Variants in FOXP1 observed in about 807,000 individuals in gnomAD.
FOXP1 encodes the protein forkhead box P1.
A neutral mutation model predicts 98.2 loss-of-function variants in FOXP1; 15 were observed. The observed-to-expected ratio is 0.15, with a 90% CI of 0.10 to 0.24. FOXP1 has a LOEUF of 0.24. Ranked by LOEUF, FOXP1 falls within the 10% of genes least tolerant of loss-of-function variation. The pLI, the probability that FOXP1 is intolerant of heterozygous loss-of-function variation, is 1.00. For missense variants in FOXP1, 633 were observed against 848.5 expected, an observed-to-expected ratio of 0.75 and a Z score of 3.15; for synonymous variants, 371 against 314.5, an observed-to-expected ratio of 1.18 and a Z score of -1.90.
Position 71,247,430 on chromosome 3 carries a change from A to G in FOXP1, c.-11-49038T>C, listed in dbSNP as rs114974528. On this transcript the variant is annotated intron_variant, in intron 5 of 20. Transcript: ENST00000649528. ...CCTCTGTCACACCTTACGGAATGCC[A>G]TTGATTGTGGCTCAGAGAAGGCCAT... is the stretch of plus-strand genomic sequence containing the variant. Among the ~76,000 whole-genome samples, 621 of 152,268 alleles carry G rather than the reference A, an allele frequency of 4.1e-3. 2 individuals are homozygous for G. The highest frequency in any genetic ancestry group is 0.014 in the African/African-American group (573 of 41,546).
intron 5 of FOXP1, among the ~76,000 whole-genome samples, chr3:71,263,491 T>C (rs1166608041): frequency 2.0e-5 from 3 of 152,200 alleles, no homozygotes; most frequent in Non-Finnish European, 4.4e-5. Flanking sequence ...CAACTATGTA[T>C]ATCATGTCCT....
chr3:71,440,143 GT>G, intron 3 of FOXP1, among the ~76,000 whole-genome samples: 1 of 152,250 alleles, frequency 6.6e-6, no homozygotes. Flanking sequence ...GGGAGTTTCA[GT>G]TATGCAAGAT....
intron 11 of FOXP1, 85 bp downstream of exon 11, chr3:71,041,243 G>T: frequency 9.8e-7 from 1 of 1,015,318 alleles, no homozygotes; most frequent in Non-Finnish European, 1.6e-6. Context: ...TCCAATTAGG[G>T]ATCACTGAGA....
intron 11 of FOXP1, among the ~76,000 whole-genome samples, chr3:71,025,760 T>C (rs985649976): frequency 7.2e-5 from 11 of 152,172 alleles, no homozygotes; most frequent in African/African-American, 2.4e-4. Context: ...TGATTAATGT[T>C]TACCAGATAT....
rs113095706 is a variant in FOXP1 at position 71,425,221 on chromosome 3, T to G, written c.-167-65977A>C. On this transcript the variant is annotated intron_variant, in intron 3 of 20. Coordinates refer to ENST00000649528, the MANE Select transcript of FOXP1 (RefSeq NM_001349338.3). ...GCATTCACCTCCCAGGTTCAAGCAA[T>G]TCTCCTGTCTCAGCCTCCTGCGTAG... Among the ~76,000 whole-genome samples the G allele has an allele frequency of 3.5e-3, 534 of 152,294 alleles. 5 individuals are homozygous for G. The highest frequency in any genetic ancestry group is 0.012 in the African/African-American group (516 of 41,568).
At chr3:71,205,964 T>C (rs2064005424) in intron 5 of FOXP1, among the ~76,000 whole-genome samples, 1 of 152,216 alleles carries the variant, frequency 6.6e-6, no homozygotes, top group Non-Finnish European at 1.5e-5. Flanking sequence ...TATTTATCAA[T>C]TAAACCAGGA....
intron 2 of FOXP1, among the ~76,000 whole-genome samples, chr3:71,508,202 G>A (rs1210383597): frequency 1.3e-5 from 2 of 152,190 alleles, no homozygotes; most frequent in Admixed American, 1.3e-4. Flanking sequence ...AAAAATACTA[G>A]AAGTAATTCT....
intron 7 of FOXP1, among the ~76,000 whole-genome samples, chr3:71,061,999 C>T (rs191745176): frequency 6.6e-6 from 1 of 152,304 alleles, no homozygotes; most frequent in Admixed American, 6.5e-5. Flanking sequence ...TTCACCGTAT[C>T]TTCCAATTGT....
intron 6 of FOXP1, among the ~76,000 whole-genome samples, chr3:71,153,545 GAA>G (rs11343142): frequency 0.25 from 26,781 of 106,552 alleles, 2,973 homozygotes; most frequent in East Asian, 0.46. Context: ...CCATGCTTGA[GAA>G]AAAAAAAAAA....
intron 3 of FOXP1, among the ~76,000 whole-genome samples, chr3:71,401,789 C>T (rs763222779): frequency 2.0e-5 from 3 of 152,184 alleles, no homozygotes; most frequent in African/African-American, 4.8e-5. Context: ...ATCAATGAAG[C>T]GGGATATCTC....
At chr3:71,050,527 T>C (rs995153549) in intron 9 of FOXP1, among the ~76,000 whole-genome samples, 2 of 152,244 alleles carry the variant, frequency 1.3e-5, no homozygotes, top group Non-Finnish European at 2.9e-5. Context: ...CAGGGGGTTA[T>C]TGCCTGCAAG....
At chr3:71,078,909 T>A (rs1193167229) in intron 7 of FOXP1, among the ~76,000 whole-genome samples, 1 of 152,162 alleles carries the variant, frequency 6.6e-6, no homozygotes, top group Non-Finnish European at 1.5e-5. Flanking sequence ...TTTCGTTACC[T>A]GGATTCTGGG....
chr3:71,516,116 C>A (rs2042562548), intron 2 of FOXP1, among the ~76,000 whole-genome samples: 1 of 152,222 alleles, frequency 6.6e-6, no homozygotes, highest in Non-Finnish European at 1.5e-5. Flanking sequence ...ACACTGACAA[C>A]ATCGTGCCAC....
chr3:71,323,127 C>T (rs748987144), intron 4 of FOXP1, among the ~76,000 whole-genome samples: 1 of 152,090 alleles, frequency 6.6e-6, no homozygotes, highest in Non-Finnish European at 1.5e-5. Context: ...TGCACCACCA[C>T]GTCTGGCTAA....
At chr3:71,196,365 T>TTGTGTGTGTGGGCGCA (rs2063300857) in intron 6 of FOXP1, among the ~76,000 whole-genome samples, 1 of 152,110 alleles carries the variant, frequency 6.6e-6, no homozygotes, top group Non-Finnish European at 1.5e-5. Context: ...GTTATCACTG[T>TTGTGTGTGTGGGCGCA]TGTGTGTGTG....
chr3:71,110,470 G>A lies in FOXP1; in HGVS notation c.282+2066C>T, dbSNP rs560381413. Among the ~76,000 whole-genome samples the A allele has an allele frequency of 2.0e-5, 3 of 152,230 alleles. No homozygotes were observed. The East Asian group carries it at 5.8e-4, about 29-fold the overall frequency. ...CCTGATGAATTCAAGAGGACTCGGG[G>A]TATTTTTAAGGCTGTAAGAGCTCCA... On this transcript the variant is annotated intron_variant, in intron 7 of 20. Coordinates refer to ENST00000649528, the MANE Select transcript of FOXP1 (RefSeq NM_001349338.3).
At chr3:71,566,413 TAC>T (rs1490886417) in intron 2 of FOXP1, among the ~76,000 whole-genome samples, 1 of 152,180 alleles carries the variant, frequency 6.6e-6, no homozygotes, top group African/African-American at 2.4e-5. Context: ...GGAAAAATAA[TAC>T]AGACAGACTA....
intron 2 of FOXP1, chr3:71,543,593 G>A (rs1325368867): frequency 6.6e-6 from 1 of 152,302 alleles, no homozygotes; most frequent in Non-Finnish European, 1.5e-5. Context: ...AGATCCAAGG[G>A]TGTATGTGAC....
intron 5 of FOXP1, among the ~76,000 whole-genome samples, chr3:71,278,987 T>C (rs1023655050): frequency 4.6e-5 from 7 of 150,604 alleles, no homozygotes; most frequent in Admixed American, 1.3e-4. Context: ...AGGTCAGGAG[T>C]TCGAGACCAG....
Sources: gnomAD v4.1 joint callset for allele counts (sites outside exome capture counted in the v4.1 genomes callset) on GRCh38, gnomAD v4.1.1 for gene constraint, MANE v1.5 for transcripts, NCBI Gene and HGNC (gene_info 2026-07-23, HGNC 2026-07-21) for gene names.